Variants in PDE1A observed in about 807,000 individuals in gnomAD.
The protein encoded by PDE1A is dual specificity calcium/calmodulin-dependent 3',5'-cyclic nucleotide phosphodiesterase 1A.
PDE1A carries 35 observed loss-of-function variants against 61.7 expected under a neutral mutation model. That is an observed-to-expected ratio of 0.57 (90% CI 0.43 to 0.75). PDE1A has a LOEUF of 0.75. PDE1A is among the 30% of genes least tolerant of loss of function. PDE1A has a pLI of 0.00. For missense variants in PDE1A, 597 were observed against 630.6 expected (o/e 0.95, Z 0.57); for synonymous variants, 232 against 213.2 (o/e 1.09, Z -0.77).
At chr2:182,605,906 C>T in the PDE1A span, among the ~76,000 whole-genome samples, 1 of 152,176 alleles carries the variant, frequency 6.6e-6, no homozygotes, top group Non-Finnish European at 1.5e-5. Flanking sequence ...CACATACACA[C>T]ACCAAAACAT....
At chr2:182,217,803 A>G (rs1194549043) in intron 7 of PDE1A, among the ~76,000 whole-genome samples, 1 of 150,750 alleles carries the variant, frequency 6.6e-6, no homozygotes, top group Non-Finnish European at 1.5e-5. Context: ...AAATAGGAAC[A>G]CTTTTACACT....
intron 2 of PDE1A, among the ~76,000 whole-genome samples, chr2:182,474,253 T>C (rs939102897): frequency 6.6e-6 from 1 of 151,986 alleles, no homozygotes; most frequent in Non-Finnish European, 1.5e-5. Context: ...TTTTACTCTT[T>C]CGCTTCAGCT....
At chr2:182,448,558 A>C (rs1417727761) in intron 2 of PDE1A, among the ~76,000 whole-genome samples, 1 of 152,070 alleles carries the variant, frequency 6.6e-6, no homozygotes, top group Non-Finnish European at 1.5e-5. Flanking sequence ...TTTAGAACTG[A>C]AAGAAAAAAC....
chr2:182,457,948 CA>C (rs556879500), intron 2 of PDE1A, among the ~76,000 whole-genome samples: 143 of 152,022 alleles, frequency 9.4e-4, no homozygotes, highest in African/African-American at 3.3e-3. Context: ...TTGTGTTGGG[CA>C]AAGTAAAATT....
chr2:182,691,559 C>T, the PDE1A span, among the ~76,000 whole-genome samples: 1 of 152,250 alleles, frequency 6.6e-6, no homozygotes, highest in Non-Finnish European at 1.5e-5. Flanking sequence ...ACATGTTAGA[C>T]CTAAAACCAT....
chr2:182,630,635 T>C, the PDE1A span, among the ~76,000 whole-genome samples: 2 of 152,250 alleles, frequency 1.3e-5, no homozygotes, highest in African/African-American at 4.8e-5. Flanking sequence ...TTGATGGTTC[T>C]AATTTAAAAT....
chr2:182,244,711 T>C (rs1027521134), intron 2 of PDE1A, among the ~76,000 whole-genome samples: 1 of 152,198 alleles, frequency 6.6e-6, no homozygotes, highest in Admixed American at 6.5e-5. Context: ...TTTGTTCTTG[T>C]GGTATTTTTT....
At chr2:182,685,334 T>C in the PDE1A span, among the ~76,000 whole-genome samples, 2 of 152,152 alleles carry the variant, frequency 1.3e-5, no homozygotes, top group African/African-American at 4.8e-5. Flanking sequence ...CTGAAGTTTT[T>C]AGTAAATCAG....
chr2:182,617,971 A>G, the PDE1A span, among the ~76,000 whole-genome samples: 1 of 152,158 alleles, frequency 6.6e-6, no homozygotes, highest in Admixed American at 6.5e-5. Flanking sequence ...TTTCAATCTC[A>G]TACATCCTTG....
At chr2:182,290,606 C>G (rs974969868) in intron 1 of PDE1A, among the ~76,000 whole-genome samples, 1 of 151,964 alleles carries the variant, frequency 6.6e-6, no homozygotes, top group African/African-American at 2.4e-5. Flanking sequence ...CTTTGAAACT[C>G]TGTATTTCTA....
intron 7 of PDE1A, among the ~76,000 whole-genome samples, chr2:182,212,263 A>G (rs1449814594): frequency 1.3e-5 from 2 of 151,316 alleles, no homozygotes; most frequent in Non-Finnish European, 2.9e-5. Flanking sequence ...ATATGTATAC[A>G]TTTATATATA....
At chr2:182,214,436 G>A (rs1476309249) in intron 7 of PDE1A, among the ~76,000 whole-genome samples, 1 of 151,606 alleles carries the variant, frequency 6.6e-6, no homozygotes, top group African/African-American at 2.4e-5. Context: ...AATGTAAATG[G>A]ACTAAATGCT....
chr2:182,490,635 A>C (rs1312454088), intron 2 of PDE1A, among the ~76,000 whole-genome samples: 1 of 152,230 alleles, frequency 6.6e-6, no homozygotes, highest in African/African-American at 2.4e-5. Context: ...GGCCTCCCAA[A>C]GTGCTGGGAT....
At chr2:182,630,739 T>C in the PDE1A span, among the ~76,000 whole-genome samples, 1 of 152,176 alleles carries the variant, frequency 6.6e-6, no homozygotes, top group Non-Finnish European at 1.5e-5. Flanking sequence ...ATATCTCATG[T>C]TCTTCAATAC....
the PDE1A span, among the ~76,000 whole-genome samples, chr2:182,540,851 C>G: frequency 1.3e-5 from 2 of 151,844 alleles, no homozygotes; most frequent in Admixed American, 1.3e-4. Context: ...CTTGTATTAC[C>G]GTATGTTAAT....
the PDE1A span, among the ~76,000 whole-genome samples, chr2:182,628,083 AT>A: frequency 2.6e-5 from 4 of 151,584 alleles, no homozygotes; most frequent in Non-Finnish European, 5.9e-5. Flanking sequence ...CACAGTTTGC[AT>A]TTTTTTACCT....
At chr2:182,230,205 T>C in intron 5 of PDE1A, 59 bp from the exon 6 acceptor site, 1 of 1,344,838 alleles carries the variant, frequency 7.4e-7, no homozygotes. Flanking sequence ...TAAATCAACC[T>C]GAGCACTGTT....
At chr2:182,364,348 T>C (rs1366177679) in intron 1 of PDE1A, among the ~76,000 whole-genome samples, 4 of 151,526 alleles carry the variant, frequency 2.6e-5, no homozygotes, top group Admixed American at 2.0e-4. Flanking sequence ...TTGTTTCTTG[T>C]TGTGTGTTGT....
chr2:182,244,581 TA>T (rs902528087), intron 2 of PDE1A, among the ~76,000 whole-genome samples: 1 of 71,756 alleles, frequency 1.4e-5, no homozygotes, highest in African/African-American at 8.0e-5. Context: ...TTAATTGTAT[TA>T]TTTTTTCTAC....
Sources: allele counts gnomAD v4.1 joint callset (sites outside exome capture counted in the v4.1 genomes callset), GRCh38; gene constraint gnomAD v4.1.1; transcripts MANE v1.5; gene names NCBI Gene and HGNC (gene_info 2026-07-23, HGNC 2026-07-21).